IGF1R: variants seen among roughly 807,000 people sequenced by gnomAD.
IGF1R encodes insulin like growth factor 1 receptor.
In IGF1R, 44 loss-of-function variants were observed where a neutral mutation model predicts 144.6. The ratio of observed to expected loss-of-function variants is 0.30; its 90% CI spans 0.24 to 0.39. IGF1R has a LOEUF of 0.39. IGF1R is among the 10% of genes least tolerant of loss of function. IGF1R has a pLI of 1.00. For synonymous variants in IGF1R, 795 were observed against 722.8 expected (o/e 1.10, Z -1.60); for missense variants, 1,355 against 1,833.7 (o/e 0.74, Z 4.77).
intron 2 of IGF1R, among the ~76,000 whole-genome samples, chr15:98,762,797 C>T (rs947399037): frequency 2.0e-5 from 3 of 151,748 alleles, no homozygotes; most frequent in Admixed American, 6.6e-5. Context: ...TCTGTAATCC[C>T]AGCACTTTAG....
intron 2 of IGF1R, among the ~76,000 whole-genome samples, chr15:98,821,643 G>A (rs1394682514): frequency 6.6e-6 from 1 of 152,224 alleles, no homozygotes; most frequent in Non-Finnish European, 1.5e-5. Flanking sequence ...AACCAAGGCA[G>A]AGAAATAAGA....
intron 2 of IGF1R, among the ~76,000 whole-genome samples, chr15:98,746,480 T>A (rs2054869619): frequency 6.6e-6 from 1 of 152,164 alleles, no homozygotes; most frequent in African/African-American, 2.4e-5. Context: ...TAGTGTAACT[T>A]AGCACACCTT....
intron 2 of IGF1R, among the ~76,000 whole-genome samples, chr15:98,732,508 G>A (rs1227626968): frequency 1.3e-5 from 2 of 152,184 alleles, no homozygotes; most frequent in African/African-American, 4.8e-5. Flanking sequence ...GTCTGGGGAA[G>A]GAGGGAAGCT....
chr15:98,668,662 G>C lies in IGF1R; in HGVS notation c.94+18987G>C, dbSNP rs367845552. On this transcript the variant is annotated intron_variant, in intron 1 of 20. Coordinates refer to ENST00000650285, the MANE Select transcript of IGF1R (RefSeq NM_000875.5). ...TAAACTCTGCAGGAGCTACATAGAG[G>C]AAGTTATACTCCAGGAGAGCTTAAA... Among the ~76,000 whole-genome samples, 21 of 152,258 alleles carry C rather than the reference G, an allele frequency of 1.4e-4. No individual in the cohort carries two copies. The East Asian group carries it at 2.3e-3, about 17-fold the overall frequency.
At chr15:98,713,168 GCT>G (rs1447012898) in intron 2 of IGF1R, among the ~76,000 whole-genome samples, 3 of 152,036 alleles carry the variant, frequency 2.0e-5, no homozygotes, top group African/African-American at 7.2e-5. Flanking sequence ...GGATGTAAAG[GCT>G]CTGCAGATTT....
chr15:98,903,847 A>G (rs1235985210), intron 5 of IGF1R, among the ~76,000 whole-genome samples: 2 of 152,204 alleles, frequency 1.3e-5, no homozygotes, highest in Non-Finnish European at 2.9e-5. Context: ...TACATATTAT[A>G]TGACTCATTC....
chr15:98,889,154 T>C (rs2013786548), intron 2 of IGF1R, among the ~76,000 whole-genome samples: 2 of 152,224 alleles, frequency 1.3e-5, no homozygotes, highest in Non-Finnish European at 2.9e-5. Flanking sequence ...TAAAAATTAC[T>C]GAAAATGACA....
intron 2 of IGF1R, among the ~76,000 whole-genome samples, chr15:98,717,876 T>C (rs959923234): frequency 9.2e-5 from 14 of 152,212 alleles, no homozygotes; most frequent in Non-Finnish European, 1.6e-4. Flanking sequence ...AGGTCTCACA[T>C]AGGTAGCCAA....
chr15:98,707,016 T>C lies in IGF1R; in HGVS notation c.95-546T>C, dbSNP rs1023682063. On this transcript the variant is annotated intron_variant, in intron 1 of 20. Coordinates refer to ENST00000650285, the MANE Select transcript of IGF1R (RefSeq NM_000875.5). This position sits in a 1 kb window ranked among gnomAD's most constrained non-coding sequence, Gnocchi z 6.7. ...CACAGTCTACTCGGCTTATGTCAAA[T>C]GGTAGTGGGAAGCATGGAAGCATGC... is the stretch of plus-strand genomic sequence containing the variant. Among the ~76,000 whole-genome samples the C allele has an allele frequency of 2.0e-5, 3 of 152,198 alleles. No homozygotes were observed. The highest frequency in any genetic ancestry group is 4.4e-5 in the Non-Finnish European group (3 of 68,030).
intron 1 of IGF1R, among the ~76,000 whole-genome samples, chr15:98,685,076 G>T (rs2053292373): frequency 6.6e-6 from 1 of 151,762 alleles, no homozygotes; most frequent in African/African-American, 2.4e-5. Flanking sequence ...CTGAGTAGCT[G>T]GGGTCACAGA....
intron 7 of IGF1R, among the ~76,000 whole-genome samples, chr15:98,912,814 G>C (rs967593400): frequency 6.6e-5 from 10 of 152,212 alleles, no homozygotes; most frequent in African/African-American, 2.2e-4. Context: ...TTGAATCCCA[G>C]TAACTGTTGA....
chr15:98,880,427 C>T (rs983203810), intron 2 of IGF1R, among the ~76,000 whole-genome samples: 1 of 152,204 alleles, frequency 6.6e-6, no homozygotes, highest in East Asian at 1.9e-4. Flanking sequence ...GTGTTGGTTC[C>T]GGAGACTTAA....
Position 98,960,036 on chromosome 15 carries a change from GGTT to G in IGF1R, c.*2595_*2597del, listed in dbSNP as rs1163086686. ...TGATGGGACAGTTCTTGATTTTTTG[GGTT>G]TTTTTTCCCCCAAACATTTATCTAC... is the stretch of plus-strand genomic sequence containing the variant. On this transcript the variant is annotated 3_prime_UTR_variant, in exon 21 of 21. Transcript: ENST00000650285. 3 of 232,984 alleles carry G rather than the reference GGTT, an allele frequency of 1.3e-5. No individual in the cohort carries two copies. The highest frequency in any genetic ancestry group is 5.6e-5 in the Admixed American group (1 of 17,740). The allele number at this position is 232,984 out of a possible 1,614,324, so 14.4% of individuals were successfully genotyped here. A position where few individuals can be genotyped will look rare whatever the true frequency, so the allele number is the denominator to read the frequency against.
chr15:98,926,222 AAG>A (rs1397009901), intron 13 of IGF1R, among the ~76,000 whole-genome samples: 1 of 152,196 alleles, frequency 6.6e-6, no homozygotes, highest in Non-Finnish European at 1.5e-5. Flanking sequence ...CAGACACAGA[AAG>A]AGAAATACCA....
At chr15:98,905,358 A>G (rs2014681969) in intron 5 of IGF1R, among the ~76,000 whole-genome samples, 1 of 152,124 alleles carries the variant, frequency 6.6e-6, no homozygotes, top group African/African-American at 2.4e-5. Context: ...ATGGAAGCTA[A>G]AGAAAAATAA....
rs539128887 is a variant in IGF1R at position 98,880,043 on chromosome 15, TGTG to T, written c.641-11275_641-11273del. On this transcript the variant is annotated intron_variant, in intron 2 of 20. Coordinates refer to ENST00000650285, the MANE Select transcript of IGF1R (RefSeq NM_000875.5). ...TGATGAAAATATTGTTAAGATTAAT[TGTG>T]GTGGTGTTTGTACAACTCTCTAAAT... is the stretch of plus-strand genomic sequence containing the variant. Among the ~76,000 whole-genome samples the T allele has an allele frequency of 5.2e-4, 79 of 152,302 alleles. 1 individual carries two copies. The highest frequency in any genetic ancestry group is 4.9e-4 in the Non-Finnish European group (33 of 68,024).
chr15:98,855,534 G>T (rs1318791415), intron 2 of IGF1R, among the ~76,000 whole-genome samples: 2 of 152,188 alleles, frequency 1.3e-5, no homozygotes, highest in Non-Finnish European at 2.9e-5. Flanking sequence ...CTAGGGACTT[G>T]ATTAATATTT....
At chr15:98,673,516 A>G (rs755746527) in intron 1 of IGF1R, among the ~76,000 whole-genome samples, 2 of 152,146 alleles carry the variant, frequency 1.3e-5, no homozygotes, top group Non-Finnish European at 2.9e-5. Flanking sequence ...TAGTTGTTTC[A>G]TTTGCTTTTA....
Position 98,959,333 on chromosome 15 carries a change from C to T in IGF1R, c.*1891C>T, listed in dbSNP as rs1232205770. 3 of 233,608 alleles carry T rather than the reference C, an allele frequency of 1.3e-5. No individual in the cohort carries two copies. The highest frequency in any genetic ancestry group is 5.6e-5 in the Admixed American group (1 of 17,788). The allele number at this position is 233,608 out of a possible 1,614,324, so 14.5% of individuals were successfully genotyped here. ...ACAGCTGCTGAGTCCAAGGGAGCAG[C>T]AGAGCGTGGTCCGGCAGGGCCTGTT... On this transcript the variant is annotated 3_prime_UTR_variant, in exon 21 of 21. Transcript: ENST00000650285.
Sources: gnomAD v4.1 joint callset for allele counts (sites outside exome capture counted in the v4.1 genomes callset) on GRCh38, gnomAD v4.1.1 for gene constraint, Gnocchi (gnomAD v3.1) non-coding constraint, MANE v1.5 for transcripts, NCBI Gene and HGNC (gene_info 2026-07-23, HGNC 2026-07-21) for gene names.